Variants in GPC6 observed in about 807,000 individuals in gnomAD.
The protein encoded by GPC6 is glypican 6.
In GPC6, 14 loss-of-function variants were observed where a neutral mutation model predicts 55.2. The ratio of observed to expected loss-of-function variants is 0.25; its 90% CI spans 0.17 to 0.40. The LOEUF is 0.40. Among genes scored for constraint, GPC6 ranks in the 10% least tolerant of loss-of-function variants. The probability of loss-of-function intolerance (pLI) is 1.00; values close to 1 mark genes in which losing one functional copy is unlikely to be tolerated. For missense variants in GPC6, 641 were observed against 708.5 expected (o/e 0.90, Z 1.08); for synonymous variants, 278 against 259.6 (o/e 1.07, Z -0.68).
chr13:93,471,671 A>G (rs1174977301), intron 1 of GPC6, among the ~76,000 whole-genome samples: 5 of 149,438 alleles, frequency 3.3e-5, no homozygotes, highest in Non-Finnish European at 7.4e-5. Context: ...TTAGTTTTCA[A>G]GTGTTTAATG....
intron 4 of GPC6, among the ~76,000 whole-genome samples, chr13:94,045,017 G>A (rs1356214146): frequency 6.6e-6 from 1 of 151,664 alleles, no homozygotes; most frequent in Non-Finnish European, 1.5e-5. Flanking sequence ...TTTGTGAATA[G>A]CCTATGTTAC....
In GPC6 at chr13:93,498,399, T is replaced by C. The variant is rs140259560; in HGVS notation, c.161-46864T>C. 5.3e-5 allele frequency among the ~76,000 whole-genome samples: 8 copies of C among 152,324 alleles called. No individual in the cohort carries two copies. The East Asian group carries it at 1.5e-3, about 29-fold the overall frequency. ...TTTCTTACATATACCTACAAACACC[T>C]GAGGATGGCATTTAAAACATCTTAT... On this transcript the variant is annotated intron_variant, in intron 1 of 8. Transcript: ENST00000377047.
At chr13:94,110,977 T>G (rs1886224709) in intron 4 of GPC6, among the ~76,000 whole-genome samples, 1 of 152,116 alleles carries the variant, frequency 6.6e-6, no homozygotes, top group Non-Finnish European at 1.5e-5. Context: ...TAAGTTTCCC[T>G]TAGCTCTTTA....
intron 1 of GPC6, among the ~76,000 whole-genome samples, chr13:93,396,203 A>C (rs1875848588): frequency 6.6e-6 from 1 of 152,156 alleles, no homozygotes; most frequent in Admixed American, 6.5e-5. Context: ...ATGTTAGGGA[A>C]CTTAAGAATA....
chr13:94,290,429 TAAAAAAAA>T (rs532958421), intron 5 of GPC6, among the ~76,000 whole-genome samples: 5 of 99,042 alleles, frequency 5.0e-5, no homozygotes, highest in East Asian at 2.8e-4. Context: ...TCTAGAAAGG[TAAAAAAAA>T]AAAAAAAAAA....
At chr13:93,914,358 G>A (rs1383502386) in intron 3 of GPC6, among the ~76,000 whole-genome samples, 6 of 152,100 alleles carry the variant, frequency 3.9e-5, no homozygotes, top group Non-Finnish European at 7.4e-5. Flanking sequence ...GAGAATGATG[G>A]TTTCCAGCTT....
chr13:93,313,671 A>T (rs575632297), intron 1 of GPC6, among the ~76,000 whole-genome samples: 1 of 151,792 alleles, frequency 6.6e-6, no homozygotes, highest in Non-Finnish European at 1.5e-5. Context: ...TTTTTTTTTT[A>T]AAGAGACAAG....
intron 1 of GPC6, among the ~76,000 whole-genome samples, chr13:93,504,754 AAAC>A (rs1273649412): frequency 1.3e-5 from 2 of 152,322 alleles, no homozygotes; most frequent in Middle Eastern, 3.4e-3. Flanking sequence ...TATCTAAAAA[AAAC>A]AACAACATTG....
chr13:93,914,951 A>G (rs551845730), intron 3 of GPC6, among the ~76,000 whole-genome samples: 3 of 152,300 alleles, frequency 2.0e-5, no homozygotes, highest in South Asian at 4.1e-4. Context: ...CCTAACCTCA[A>G]TTTCCAAGCA....
intron 2 of GPC6, among the ~76,000 whole-genome samples, chr13:93,631,685 C>T (rs1050486507): frequency 1.3e-5 from 2 of 152,170 alleles, no homozygotes; most frequent in African/African-American, 4.8e-5. Context: ...AACAGGTCAC[C>T]AGTCCCAAAG....
chr13:93,393,657 T>A (rs924079470), intron 1 of GPC6, among the ~76,000 whole-genome samples: 12 of 152,210 alleles, frequency 7.9e-5, no homozygotes, highest in African/African-American at 2.9e-4. Context: ...TCTCTCTTTT[T>A]TCTTTTTTGT....
chr13:93,651,565 G>A (rs1385955635), intron 2 of GPC6, among the ~76,000 whole-genome samples: 2 of 152,104 alleles, frequency 1.3e-5, no homozygotes, highest in Non-Finnish European at 2.9e-5. Flanking sequence ...CCACCAGAGA[G>A]AGGCAAATGA....
intron 4 of GPC6, among the ~76,000 whole-genome samples, chr13:94,050,693 C>G (rs1311501838): frequency 3.9e-5 from 6 of 152,158 alleles, no homozygotes; most frequent in Non-Finnish European, 8.8e-5. Flanking sequence ...CATGATTTTT[C>G]TACTCTCCTT....
intron 1 of GPC6, among the ~76,000 whole-genome samples, chr13:93,248,344 T>C (rs1566540227): frequency 6.6e-6 from 1 of 151,590 alleles, no homozygotes; most frequent in Non-Finnish European, 1.5e-5. Flanking sequence ...AACTGCTTAG[T>C]CCCCTAAAGG....
At chr13:93,430,080 A>G (rs1215957190) in intron 1 of GPC6, among the ~76,000 whole-genome samples, 1 of 152,162 alleles carries the variant, frequency 6.6e-6, no homozygotes, top group Non-Finnish European at 1.5e-5. Flanking sequence ...TTACTATAGT[A>G]CTTAGACTGT....
At chr13:94,038,689 G>A (rs568848357) in intron 4 of GPC6, among the ~76,000 whole-genome samples, 39 of 152,006 alleles carry the variant, frequency 2.6e-4, no homozygotes, top group African/African-American at 8.7e-4. Flanking sequence ...AAATCACCAA[G>A]GGTTAAGGCA....
At chr13:93,378,962 T>C (rs1875038950) in intron 1 of GPC6, among the ~76,000 whole-genome samples, 1 of 146,940 alleles carries the variant, frequency 6.8e-6, no homozygotes, top group African/African-American at 2.5e-5. Flanking sequence ...GCCATTGCAC[T>C]CCAGCCTGGG....
intron 1 of GPC6, among the ~76,000 whole-genome samples, chr13:93,329,713 C>T (rs1594100274): frequency 2.6e-5 from 4 of 152,114 alleles, no homozygotes; most frequent in African/African-American, 9.6e-5. Context: ...CAGGCTTCTC[C>T]CTGAAACACC....
chr13:93,717,546 C>T (rs1883292461), intron 2 of GPC6, among the ~76,000 whole-genome samples: 1 of 151,396 alleles, frequency 6.6e-6, no homozygotes, highest in Non-Finnish European at 1.5e-5. Flanking sequence ...CCTAATAATT[C>T]CTGGCATCTC....
Sources: gnomAD v4.1 joint callset for allele counts (sites outside exome capture counted in the v4.1 genomes callset) on GRCh38, gnomAD v4.1.1 for gene constraint, MANE v1.5 for transcripts, NCBI Gene and HGNC (gene_info 2026-07-23, HGNC 2026-07-21) for gene names.